Variants in ST18 observed in about 807,000 individuals in gnomAD.
ST18 encodes ST18 C2H2C-type zinc finger transcription factor, also known as suppression of tumorigenicity 18 protein.
Under a neutral mutation model 110.0 loss-of-function variants are expected in ST18, and 50 were observed. The observed-to-expected ratio is 0.45, with a 90% CI of 0.36 to 0.58. The LOEUF (loss-of-function observed/expected upper bound fraction) is 0.58. Among genes scored for constraint, ST18 ranks in the 20% least tolerant of loss-of-function variants. The pLI, the probability that ST18 is intolerant of heterozygous loss-of-function variation, is 0.00. For synonymous variants in ST18, 461 were observed against 452.4 expected, an observed-to-expected ratio of 1.02 and a Z score of -0.24; for missense variants, 1,306 against 1,280.1, an observed-to-expected ratio of 1.02 and a Z score of -0.31.
intron 10 of ST18, among the ~76,000 whole-genome samples, chr8:52,170,622 C>T (rs2064585911): frequency 6.6e-6 from 1 of 151,576 alleles, no homozygotes; most frequent in Non-Finnish European, 1.5e-5. Context: ...AAGTTAAATA[C>T]AATAAGTTGC....
At chr8:52,376,351 G>A (rs914552479) in intron 2 of ST18, among the ~76,000 whole-genome samples, 5 of 152,072 alleles carry the variant, frequency 3.3e-5, no homozygotes, top group African/African-American at 1.2e-4. Context: ...CCCACCACGA[G>A]GCCTCTGTGC....
intron 2 of ST18, among the ~76,000 whole-genome samples, chr8:52,324,236 G>C (rs1805263785): frequency 6.6e-6 from 1 of 152,158 alleles, no homozygotes; most frequent in Non-Finnish European, 1.5e-5. Context: ...CCTCAGGTTT[G>C]TTACTGTCCT....
intron 8 of ST18, among the ~76,000 whole-genome samples, chr8:52,182,739 C>G (rs920658820): frequency 1.3e-5 from 2 of 152,066 alleles, no homozygotes; most frequent in Non-Finnish European, 2.9e-5. Flanking sequence ...CTAGAGTCAA[C>G]AATAGTGTAC....
chr8:52,327,333 AAG>A (rs1806968411), intron 2 of ST18, among the ~76,000 whole-genome samples: 1 of 152,220 alleles, frequency 6.6e-6, no homozygotes, highest in African/African-American at 2.4e-5. Context: ...TTCATGTGGC[AAG>A]ACTGGTCAGC....
intron 2 of ST18, among the ~76,000 whole-genome samples, chr8:52,368,334 G>A (rs1828956256): frequency 6.6e-6 from 1 of 152,124 alleles, no homozygotes; most frequent in African/African-American, 2.4e-5. Context: ...CAAACAAATG[G>A]AGAATTTGTG....
chr8:52,361,889 T>C (rs964674375), intron 2 of ST18, among the ~76,000 whole-genome samples: 1 of 150,512 alleles, frequency 6.6e-6, no homozygotes, highest in African/African-American at 2.5e-5. Context: ...AAAGCGTTTG[T>C]TGATTTCACA....
At chr8:52,144,050 C>T (rs1285949082) in intron 16 of ST18, among the ~76,000 whole-genome samples, 1 of 152,046 alleles carries the variant, frequency 6.6e-6, no homozygotes, top group African/African-American at 2.4e-5. Context: ...TTTTCATGCC[C>T]TTCTCTTAAG....
chr8:52,238,601 A>G (rs939519170), intron 2 of ST18, among the ~76,000 whole-genome samples: 7 of 152,102 alleles, frequency 4.6e-5, no homozygotes, highest in South Asian at 2.1e-4. Context: ...TTGTCCATCA[A>G]CGGATTACTG....
At chr8:52,198,712 C>T (rs2076977623) in intron 8 of ST18, among the ~76,000 whole-genome samples, 1 of 152,182 alleles carries the variant, frequency 6.6e-6, no homozygotes, top group Non-Finnish European at 1.5e-5. Flanking sequence ...TATATGTACA[C>T]ACACAAATCT....
At chr8:52,297,620 G>T (rs2095654887) in intron 2 of ST18, among the ~76,000 whole-genome samples, 2 of 152,114 alleles carry the variant, frequency 1.3e-5, no homozygotes. Context: ...GATTTGAAAA[G>T]TTAAAGGCAC....
Position 52,149,839 on chromosome 8 carries a change from T to C in ST18, c.1945A>G (p.Ser649Gly). 2 of 1,614,188 alleles carry C rather than the reference T, an allele frequency of 1.2e-6. No individual in the cohort carries two copies. The highest frequency in any genetic ancestry group is 1.7e-6 in the Non-Finnish European group (2 of 1,180,006). ...TAGAATGCTGCATTGACCAGAATGC[T>C]GCTTGTTTTGAATGGGGAAGAGGAA... Reference protein sequence around the residue: ...TPSSSPFKTSSILVNAAFYQA... With the variant: ...TPSSSPFKTSGILVNAAFYQA... Residue 649 changes from serine to glycine, a missense_variant, in exon 16 of 26, where the codon AGC (serine) becomes GGC (glycine). Coordinates refer to ENST00000689386, the MANE Select transcript of ST18 (RefSeq NM_001352837.2).
intron 2 of ST18, among the ~76,000 whole-genome samples, chr8:52,346,135 C>A (rs1817648686): frequency 6.6e-6 from 1 of 150,838 alleles, no homozygotes; most frequent in Admixed American, 6.6e-5. Flanking sequence ...TATATTCACA[C>A]AATGAGAAAA....
chr8:52,379,665 T>A (rs1277714500), intron 2 of ST18, among the ~76,000 whole-genome samples: 1 of 152,164 alleles, frequency 6.6e-6, no homozygotes, highest in African/African-American at 2.4e-5. Context: ...ATGTAGATAC[T>A]AGTCTATTGT....
intron 2 of ST18, among the ~76,000 whole-genome samples, chr8:52,283,976 A>G (rs1452199555): frequency 6.6e-6 from 1 of 152,160 alleles, no homozygotes; most frequent in Non-Finnish European, 1.5e-5. Context: ...ACCATGTGGA[A>G]TTGGGGTTGA....
At chr8:52,186,702 C>T (rs2072403678) in intron 8 of ST18, among the ~76,000 whole-genome samples, 1 of 152,218 alleles carries the variant, frequency 6.6e-6, no homozygotes, top group Non-Finnish European at 1.5e-5. Context: ...ATATTCATGG[C>T]TCTGAATACG....
intron 2 of ST18, among the ~76,000 whole-genome samples, chr8:52,239,265 A>G (rs1326114663): frequency 6.6e-6 from 1 of 152,192 alleles, no homozygotes; most frequent in African/African-American, 2.4e-5. Flanking sequence ...AAAATGTTCT[A>G]AAGTTGACCA....
intron 2 of ST18, among the ~76,000 whole-genome samples, chr8:52,367,065 C>A (rs1464749326): frequency 6.6e-6 from 1 of 152,122 alleles, no homozygotes; most frequent in East Asian, 1.9e-4. Context: ...AAGCCCATCT[C>A]TACTAAAAAT....
At chr8:52,253,269 A>G (rs1389882141) in intron 2 of ST18, among the ~76,000 whole-genome samples, 20 of 152,148 alleles carry the variant, frequency 1.3e-4, no homozygotes, top group Non-Finnish European at 2.8e-4. Flanking sequence ...AACAAAAGGA[A>G]TATGAGGCAA....
At chr8:52,158,530 A>G (rs1361584226) in intron 15 of ST18, among the ~76,000 whole-genome samples, 2 of 152,218 alleles carry the variant, frequency 1.3e-5, no homozygotes, top group African/African-American at 4.8e-5. Flanking sequence ...AGACACTGAA[A>G]AGCTTCCATT....
Sources: allele counts gnomAD v4.1 joint callset (sites outside exome capture counted in the v4.1 genomes callset), GRCh38; gene constraint gnomAD v4.1.1; transcripts MANE v1.5; gene names NCBI Gene and HGNC (gene_info 2026-07-23, HGNC 2026-07-21).